ANXA5: variants seen among roughly 807,000 people sequenced by gnomAD.
ANXA5 encodes the protein annexin A5, also known as CBP-I.
Under a neutral mutation model 48.1 loss-of-function variants are expected in ANXA5, and 40 were observed. The observed-to-expected ratio is 0.83, with a 90% CI of 0.65 to 1.08. The LOEUF (loss-of-function observed/expected upper bound fraction) is 1.08. ANXA5 is among the 50% of genes least tolerant of loss of function. ANXA5 has a pLI of 0.00. For synonymous variants in ANXA5, 113 were observed against 129.1 expected (o/e 0.88, Z 0.85); for missense variants, 357 against 376.8 (o/e 0.95, Z 0.44).
At chr4:121,691,742 T>A (rs775040093) in intron 2 of ANXA5, among the ~76,000 whole-genome samples, 5 of 152,144 alleles carry the variant, frequency 3.3e-5, no homozygotes, top group Non-Finnish European at 7.4e-5. Context: ...GTACATACAC[T>A]AGGGCCCTAC....
At chr4:121,685,639 C>G (rs997242013) in intron 3 of ANXA5, among the ~76,000 whole-genome samples, 2 of 152,082 alleles carry the variant, frequency 1.3e-5, no homozygotes, top group Non-Finnish European at 2.9e-5. Context: ...AACAGTAGTA[C>G]AAAAGGAGCC....
chr4:121,693,753 G>A (rs1445359977), intron 2 of ANXA5, among the ~76,000 whole-genome samples: 4 of 152,142 alleles, frequency 2.6e-5, no homozygotes, highest in African/African-American at 9.7e-5. Flanking sequence ...AAATCACCAG[G>A]AGCAGCACAG....
intron 2 of ANXA5, among the ~76,000 whole-genome samples, chr4:121,695,251 T>C (rs2110494157): frequency 6.6e-6 from 1 of 152,318 alleles, no homozygotes; most frequent in South Asian, 2.1e-4. Flanking sequence ...AATATGAGAA[T>C]TGGTTTACTG....
chr4:121,696,815 C>T, intron 1 of ANXA5, 48 bp downstream of exon 1: 1 of 380,766 alleles, frequency 2.6e-6, no homozygotes, highest in Non-Finnish European at 4.7e-6. Context: ...CCCGCGACCA[C>T]GCTCTCCTCT....
rs752829963 is a variant in ANXA5, at chr4:121,686,323, T to C, written c.59A>G (p.Asp20Gly). 1.9e-6 allele frequency: 3 copies of C among 1,614,058 alleles called. No individual in the cohort carries two copies. Among genetic ancestry groups the C allele is most frequent in the Non-Finnish European group, 2.5e-6 (3 of 1,180,016 alleles). Residue 20 changes from aspartate (D) to glycine (G), a missense_variant, in exon 3 of 13, where the codon GAT (aspartate) becomes GGT (glycine). By Grantham distance (94) the Asp-to-Gly change is moderately conservative. Transcript: ENST00000296511. ...CATAGCCTTCCGAAGAGTTTCTGCATCAGCCCGCTCATCAAATCCAGGGAA... is the reference window on the plus strand; with the variant it reads ...CATAGCCTTCCGAAGAGTTTCTGCACCAGCCCGCTCATCAAATCCAGGGAA... ...TDFPGFDERA[D>G]AETLRKAMKG...
At chr4:121,689,157 A>C (rs2110489959) in intron 2 of ANXA5, among the ~76,000 whole-genome samples, 1 of 152,368 alleles carries the variant, frequency 6.6e-6, no homozygotes, top group South Asian at 2.1e-4. Flanking sequence ...AGCCTGTGTT[A>C]GGAAAGTTCT....
intron 2 of ANXA5, among the ~76,000 whole-genome samples, chr4:121,691,054 C>T (rs1451464077): frequency 6.6e-6 from 1 of 152,182 alleles, no homozygotes. Flanking sequence ...GGAGTCCCCA[C>T]ACTTTACCCA....
intron 4 of ANXA5, among the ~76,000 whole-genome samples, chr4:121,684,373 G>A (rs983529877): frequency 2.0e-5 from 3 of 152,148 alleles, no homozygotes; most frequent in Non-Finnish European, 2.9e-5. Context: ...AAAATGGATA[G>A]TAAGACATCC....
intron 2 of ANXA5, among the ~76,000 whole-genome samples, chr4:121,689,206 C>G (rs17051387): frequency 0.019 from 2,963 of 152,192 alleles, 108 homozygotes; most frequent in African/African-American, 0.067. Flanking sequence ...TTAATGAGAC[C>G]ACTTCAAATT....
In ANXA5 at chr4:121,670,249, G is replaced by A. The variant is rs1388542245; in HGVS notation, c.722-237C>T. On this transcript the variant is annotated intron_variant, in intron 10 of 12. Transcript: ENST00000296511. ...TGCATAGAAAGGCATGGAGAATAAG[G>A]GCACAGGTTTTTCTATGCGCCTTGG... Among the ~76,000 whole-genome samples, 3 of 152,100 alleles carry A rather than the reference G, an allele frequency of 2.0e-5. No homozygotes were observed. In the East Asian group the frequency reaches 5.8e-4, roughly 29 times the overall value.
intron 2 of ANXA5, among the ~76,000 whole-genome samples, chr4:121,693,009 G>A (rs1003959803): frequency 5.3e-5 from 8 of 152,320 alleles, no homozygotes; most frequent in Non-Finnish European, 1.2e-4. Flanking sequence ...CGAGGCACAC[G>A]GATCACTTGA....
rs1355133008 is a variant in ANXA5 at position 121,671,740 on chromosome 4, T to C, written c.626-98A>G. ...TAGGTAGTGTCTTACTGAACACAAATCTCCCCTTCTTCCTTGCTGACAGAA... is the reference window on the plus strand; with the variant it reads ...TAGGTAGTGTCTTACTGAACACAAACCTCCCCTTCTTCCTTGCTGACAGAA... On this transcript the variant is annotated intron_variant, in intron 9 of 12. Transcript: ENST00000296511. 6 of 800,230 alleles carry C rather than the reference T, an allele frequency of 7.5e-6. No individual in the cohort carries two copies. The Admixed American group carries it at 1.1e-4, about 14-fold the overall frequency. 49.6% of individuals were successfully genotyped at this position (800,230 alleles called of 1,614,324 possible).
chr4:121,681,982 G>A (rs1357679657), intron 5 of ANXA5, among the ~76,000 whole-genome samples: 1 of 152,044 alleles, frequency 6.6e-6, no homozygotes, highest in African/African-American at 2.4e-5. Context: ...GGAAAACAAT[G>A]TTTATCATGT....
intron 2 of ANXA5, among the ~76,000 whole-genome samples, chr4:121,691,847 TAAG>T (rs912243850): frequency 6.6e-6 from 1 of 151,946 alleles, no homozygotes; most frequent in African/African-American, 2.4e-5. Flanking sequence ...AAGAAAAAAA[TAAG>T]AAGGGCATAA....
chr4:121,673,136 C>T (rs933803302), intron 8 of ANXA5, among the ~76,000 whole-genome samples: 3 of 152,148 alleles, frequency 2.0e-5, no homozygotes, highest in Non-Finnish European at 1.5e-5. Flanking sequence ...TTTCATATTT[C>T]CAAAGATCAC....
intron 8 of ANXA5, among the ~76,000 whole-genome samples, chr4:121,673,320 C>A (rs918771839): frequency 6.6e-6 from 1 of 152,180 alleles, no homozygotes; most frequent in African/African-American, 2.4e-5. Flanking sequence ...CAAACATCAA[C>A]GTTAACTCTG....
chr4:121,682,406 G>A (rs1235925134), intron 5 of ANXA5, among the ~76,000 whole-genome samples: 1 of 151,966 alleles, frequency 6.6e-6, no homozygotes, highest in African/African-American at 2.4e-5. Context: ...GAGATGCAAC[G>A]ATATAGCTGG....
chr4:121,692,807 G>T (rs1353743543), intron 2 of ANXA5, among the ~76,000 whole-genome samples: 1 of 152,206 alleles, frequency 6.6e-6, no homozygotes, highest in Non-Finnish European at 1.5e-5. Context: ...ACTTGGCAAT[G>T]CATCTATTAT....
At position 121,669,702 on chromosome 4, in the gene ANXA5, G is replaced by A. The variant is rs778608015; in HGVS notation, c.803C>T (p.Thr268Ile). ...CCTGGAAACCATGACTCTGATGAGG[G>A]TATGATCATCTGTCCCAGCTCCCTT... ...AMKGAGTDDH[T>I]LIRVMVSRSE... Residue 268 changes from threonine to isoleucine, a missense_variant, in exon 12 of 13, where the codon ACC becomes ATC. Physicochemically the swap from Thr to Ile is moderately conservative, Grantham distance 89. Transcript: ENST00000296511. The A allele has an allele frequency of 6.2e-7, 1 of 1,610,704 alleles. No individual in the cohort carries two copies. The highest frequency in any genetic ancestry group is 8.5e-7 in the Non-Finnish European group (1 of 1,178,802).
Sources: gnomAD v4.1 joint callset for allele counts (sites outside exome capture counted in the v4.1 genomes callset) on GRCh38, gnomAD v4.1.1 for gene constraint, MANE v1.5 for transcripts, NCBI Gene and HGNC (gene_info 2026-07-23, HGNC 2026-07-21) for gene names.